Variants in ZNF804A observed in about 807,000 individuals in gnomAD.
ZNF804A encodes the protein zinc finger protein 804A.
In ZNF804A, 2 loss-of-function variants were observed where a neutral mutation model predicts 16.5. That is an observed-to-expected ratio of 0.12 (90% CI 0.05 to 0.38). ZNF804A has a LOEUF of 0.38. Ranked by LOEUF, ZNF804A falls within the 10% of genes least tolerant of loss-of-function variation. The probability of loss-of-function intolerance (pLI) is 0.99; values close to 1 mark genes in which losing one functional copy is unlikely to be tolerated. For missense variants in ZNF804A, 1,473 were observed against 1,390.7 expected, an observed-to-expected ratio of 1.06 and a Z score of -0.94; for synonymous variants, 534 against 489.6, an observed-to-expected ratio of 1.09 and a Z score of -1.20.
Position 184,659,684 on chromosome 2 carries a change from A to G in ZNF804A, c.111+60614A>G, listed in dbSNP as rs1236964900. Among the ~76,000 whole-genome samples the G allele has an allele frequency of 3.3e-5, 5 of 152,304 alleles. No individual in the cohort carries two copies. The East Asian group carries it at 9.6e-4, about 29-fold the overall frequency. On this transcript the variant is annotated intron_variant, in intron 1 of 3. Transcript: ENST00000302277. ...CAAAACTCAGGCATGGCTGACCCCAAAAGCCATGTTCTTAAGTACATCATC... is the reference window on the plus strand; with the variant it reads ...CAAAACTCAGGCATGGCTGACCCCAGAAGCCATGTTCTTAAGTACATCATC...
intron 1 of ZNF804A, among the ~76,000 whole-genome samples, chr2:184,626,292 A>G (rs1421773223): frequency 6.6e-6 from 1 of 152,132 alleles, no homozygotes; most frequent in Non-Finnish European, 1.5e-5. Flanking sequence ...TATTTTCAGC[A>G]TTGTGGATGG....
chr2:184,678,190 C>T (rs1024656225), intron 1 of ZNF804A, among the ~76,000 whole-genome samples: 1 of 151,920 alleles, frequency 6.6e-6, no homozygotes, highest in Non-Finnish European at 1.5e-5. Flanking sequence ...TTCTTTAAAA[C>T]AGTGTAAGTG....
At chr2:184,856,962 T>A (rs1695698934) in intron 1 of ZNF804A, among the ~76,000 whole-genome samples, 1 of 152,036 alleles carries the variant, frequency 6.6e-6, no homozygotes, top group Non-Finnish European at 1.5e-5. Context: ...GTTTTTCTAG[T>A]CTTTCTCTCA....
At chr2:184,926,621 T>C (rs1685616718) in intron 2 of ZNF804A, among the ~76,000 whole-genome samples, 1 of 152,092 alleles carries the variant, frequency 6.6e-6, no homozygotes, top group South Asian at 2.1e-4. Context: ...TAAGATCCTA[T>C]TTAAGGCCAA....
chr2:184,624,820 T>C (rs1455728908), intron 1 of ZNF804A, among the ~76,000 whole-genome samples: 8 of 152,168 alleles, frequency 5.3e-5, no homozygotes, highest in Non-Finnish European at 2.9e-5. Flanking sequence ...CCATGAAGAA[T>C]AGCAGCTGAT....
chr2:184,810,546 A>T (rs962487377), intron 1 of ZNF804A, among the ~76,000 whole-genome samples: 1 of 129,462 alleles, frequency 7.7e-6, no homozygotes, highest in Non-Finnish European at 1.5e-5. Context: ...GCTGGAGTGC[A>T]GTGGAGCGAT....
At chr2:184,795,698 G>T (rs1354695030) in intron 1 of ZNF804A, among the ~76,000 whole-genome samples, 2 of 151,954 alleles carry the variant, frequency 1.3e-5, no homozygotes, top group Admixed American at 1.3e-4. Flanking sequence ...GAAAAGAAGA[G>T]AGAAAATCCA....
intron 2 of ZNF804A, among the ~76,000 whole-genome samples, chr2:184,929,669 A>G (rs891324231): frequency 1.3e-5 from 2 of 152,182 alleles, no homozygotes; most frequent in Non-Finnish European, 2.9e-5. Flanking sequence ...ATCAAAGATT[A>G]TCTGCTGATT....
At chr2:184,909,498 A>G (rs981856144) in intron 2 of ZNF804A, among the ~76,000 whole-genome samples, 4 of 152,086 alleles carry the variant, frequency 2.6e-5, no homozygotes, top group African/African-American at 4.8e-5. Flanking sequence ...CTTGACATCT[A>G]TATTATACAA....
At chr2:184,718,406 C>G (rs1437795347) in intron 1 of ZNF804A, among the ~76,000 whole-genome samples, 3 of 152,080 alleles carry the variant, frequency 2.0e-5, no homozygotes, top group African/African-American at 7.2e-5. Flanking sequence ...TCATGCCTTC[C>G]CAAGAGTCCC....
intron 1 of ZNF804A, among the ~76,000 whole-genome samples, chr2:184,609,079 T>C (rs947686153): frequency 1.3e-5 from 2 of 152,196 alleles, no homozygotes; most frequent in African/African-American, 4.8e-5. Flanking sequence ...TAGAGATTTG[T>C]GTCAGAAAAG....
intron 2 of ZNF804A, among the ~76,000 whole-genome samples, chr2:184,931,804 A>C (rs1685706570): frequency 1.3e-5 from 2 of 152,122 alleles, no homozygotes; most frequent in Non-Finnish European, 2.9e-5. Flanking sequence ...TTCCACTTTT[A>C]TGTTCTGCCT....
In ZNF804A at chr2:184,937,637, CAT is replaced by C; in HGVS notation, c.2242_2243del (p.Met748GlufsTer7). ...TAGTTCTTCAAAATGATATGAAACACATGAGTCAGAATCAGGCTGTTAAAAGA... is the reference window on the plus strand; with the variant it reads ...TAGTTCTTCAAAATGATATGAAACACGAGTCAGAATCAGGCTGTTAAAAGA... ...SLVLQNDMKH[M>X]SQNQAVKRGY... On this transcript the variant is annotated frameshift_variant, in exon 4 of 4. Coordinates refer to ENST00000302277, the MANE Select transcript of ZNF804A (RefSeq NM_194250.2). LOFTEE classifies it low-confidence loss of function (END_TRUNC). The C allele has an allele frequency of 6.2e-7, 1 of 1,613,872 alleles. No individual in the cohort carries two copies.
chr2:184,670,383 A>T (rs1226286871), intron 1 of ZNF804A, among the ~76,000 whole-genome samples: 2 of 151,362 alleles, frequency 1.3e-5, no homozygotes, highest in Non-Finnish European at 3.0e-5. Flanking sequence ...CCTTTATTTT[A>T]TTTTTTTTCT....
At chr2:184,850,898 A>G (rs996727886) in intron 1 of ZNF804A, among the ~76,000 whole-genome samples, 3 of 151,794 alleles carry the variant, frequency 2.0e-5, no homozygotes, top group Admixed American at 6.6e-5. Context: ...CTATTCATCA[A>G]TGGTAATTTG....
intron 1 of ZNF804A, among the ~76,000 whole-genome samples, chr2:184,638,400 G>A (rs1691737329): frequency 1.3e-5 from 2 of 152,106 alleles, no homozygotes; most frequent in Non-Finnish European, 2.9e-5. Flanking sequence ...TTCAAAGACT[G>A]CAAAATTGAG....
intron 1 of ZNF804A, among the ~76,000 whole-genome samples, chr2:184,721,904 A>G (rs1433270936): frequency 6.6e-6 from 1 of 152,160 alleles, no homozygotes; most frequent in Admixed American, 6.6e-5. Flanking sequence ...ATTCTAGGTC[A>G]TAAAAAAATG....
At chr2:184,934,644 A>C (rs184446894) in intron 3 of ZNF804A, among the ~76,000 whole-genome samples, 1 of 152,120 alleles carries the variant, frequency 6.6e-6, no homozygotes, top group Non-Finnish European at 1.5e-5. Flanking sequence ...AATTTTAACT[A>C]TAGAGAATCA....
chr2:184,685,394 C>T (rs759934561), intron 1 of ZNF804A, among the ~76,000 whole-genome samples: 1 of 152,008 alleles, frequency 6.6e-6, no homozygotes, highest in Non-Finnish European at 1.5e-5. Context: ...TTCTTGTTAT[C>T]TGCAATGTGG....
Sources: gnomAD v4.1 joint callset for allele counts (sites outside exome capture counted in the v4.1 genomes callset) on GRCh38, gnomAD v4.1.1 for gene constraint, MANE v1.5 for transcripts, NCBI Gene and HGNC (gene_info 2026-07-23, HGNC 2026-07-21) for gene names.